Variants in MUSK observed in about 807,000 individuals in gnomAD.
MUSK encodes the protein muscle associated receptor tyrosine kinase, also known as muscle, skeletal receptor tyrosine-protein kinase.
A neutral mutation model predicts 88.7 loss-of-function variants in MUSK; 55 were observed. The ratio of observed to expected loss-of-function variants is 0.62; its 90% confidence interval spans 0.50 to 0.78. The LOEUF is 0.78. Among genes scored for constraint, MUSK ranks in the 30% least tolerant of loss-of-function variants. The pLI is 0.00. For missense variants in MUSK, 1,015 were observed against 1,074.3 expected (o/e 0.94, Z 0.77); for synonymous variants, 387 against 391.9 (o/e 0.99, Z 0.15).
intron 5 of MUSK, among the ~76,000 whole-genome samples, chr9:110,720,490 A>G (rs1246883028): frequency 6.6e-6 from 1 of 152,088 alleles, no homozygotes; most frequent in African/African-American, 2.4e-5. Flanking sequence ...TAGAAAACCT[A>G]GAGGAGATGG....
intron 1 of MUSK, among the ~76,000 whole-genome samples, chr9:110,679,425 A>C (rs2076077960): frequency 1.3e-5 from 2 of 151,862 alleles, no homozygotes; most frequent in Non-Finnish European, 2.9e-5. Flanking sequence ...TGCTTTATAC[A>C]TATTTTCCCT....
chr9:110,724,580 A>T (rs1475564959), intron 5 of MUSK, among the ~76,000 whole-genome samples: 1 of 152,038 alleles, frequency 6.6e-6, no homozygotes, highest in Non-Finnish European at 1.5e-5. Flanking sequence ...CTCATATAGT[A>T]CACTTCTAGA....
At chr9:110,670,540 A>G (rs1318905424) in intron 1 of MUSK, among the ~76,000 whole-genome samples, 1 of 152,190 alleles carries the variant, frequency 6.6e-6, no homozygotes, top group African/African-American at 2.4e-5. Context: ...ATATTCTAGA[A>G]AGAATTGATT....
intron 5 of MUSK, among the ~76,000 whole-genome samples, chr9:110,722,506 G>T (rs986349769): frequency 6.6e-6 from 1 of 151,844 alleles, no homozygotes; most frequent in Non-Finnish European, 1.5e-5. Flanking sequence ...CTCCAGCCTG[G>T]GCAACAGAGC....
intron 7 of MUSK, among the ~76,000 whole-genome samples, chr9:110,753,228 C>T (rs1353918432): frequency 6.6e-6 from 1 of 152,026 alleles, no homozygotes; most frequent in Admixed American, 6.6e-5. Flanking sequence ...GTCAGGAGTT[C>T]GAGACCAGCT....
Position 110,805,975 on chromosome 9 carries a change from A to C in MUSK, c.*4987A>C, listed in dbSNP as rs138557377. ...AATCTTGGTTAGTTTATTTTTAAAT[A>C]ATTGTTATTTATGAAAGTAATACAT... On this transcript the variant is annotated 3_prime_UTR_variant, in exon 15 of 15. Coordinates refer to ENST00000374448, the MANE Select transcript of MUSK (RefSeq NM_005592.4). Among the ~76,000 whole-genome samples, 2 of 152,116 alleles carry C rather than the reference A, an allele frequency of 1.3e-5. No homozygotes were observed. Among genetic ancestry groups the C allele is most frequent in the African/African-American group, 2.4e-5 (1 of 41,552 alleles).
intron 10 of MUSK, 111 bp downstream of exon 10, chr9:110,776,074 T>A: frequency 8.2e-7 from 1 of 1,223,622 alleles, no homozygotes; most frequent in South Asian, 1.6e-5. Context: ...CTAATTTTTT[T>A]TTTTTGAGTT....
At chr9:110,707,234 A>C (rs1172110792) in intron 5 of MUSK, among the ~76,000 whole-genome samples, 1 of 152,166 alleles carries the variant, frequency 6.6e-6, no homozygotes, top group African/African-American at 2.4e-5. Context: ...CAGACCATAC[A>C]AATCAAATCT....
At chr9:110,775,687 T>C in intron 9 of MUSK, 101 bp from the exon 10 acceptor site, 1 of 1,115,004 alleles carries the variant, frequency 9.0e-7, no homozygotes, top group East Asian at 2.4e-5. Context: ...AAGAACAATT[T>C]ACCATGATGA....
intron 5 of MUSK, among the ~76,000 whole-genome samples, chr9:110,700,582 G>A (rs556432812): frequency 6.6e-6 from 1 of 152,142 alleles, no homozygotes; most frequent in Admixed American, 6.5e-5. Context: ...AGCTATGTTT[G>A]GTGTGTAGAT....
intron 5 of MUSK, among the ~76,000 whole-genome samples, chr9:110,713,497 T>C (rs955306680): frequency 6.6e-6 from 1 of 152,114 alleles, no homozygotes; most frequent in Non-Finnish European, 1.5e-5. Flanking sequence ...TGGCCTCAAG[T>C]GATCCACCTG....
Position 110,688,542 on chromosome 9 carries a change from T to C in MUSK, c.358+1274T>C, listed in dbSNP as rs116762305. 5.9e-3 allele frequency among the ~76,000 whole-genome samples: 901 copies of C among 152,200 alleles called. 13 individuals carry two copies. Among genetic ancestry groups the C allele is most frequent in the African/African-American group, 0.021 (852 of 41,540 alleles). Reference sequence around the variant, plus strand: ...TAGGTAAACATGTGCCATGGTGGTATACTGCACAGATCATCCCATCACCTA... The same window carrying C: ...TAGGTAAACATGTGCCATGGTGGTACACTGCACAGATCATCCCATCACCTA... On this transcript the variant is annotated intron_variant, in intron 3 of 14. Coordinates refer to ENST00000374448, the MANE Select transcript of MUSK (RefSeq NM_005592.4).
intron 14 of MUSK, among the ~76,000 whole-genome samples, chr9:110,797,162 C>CA (rs34924295): frequency 0.13 from 2,161 of 16,818 alleles, 420 homozygotes; most frequent in Non-Finnish European, 0.16. Context: ...CATGAATACC[C>CA]AAAAAAAAAA....
In MUSK at chr9:110,787,699, C is replaced by T. The variant is rs1216888035; in HGVS notation, c.1788C>T (p.Gly596=). ...TAAATGTATCTCTCAGGGCACCAGGCTTACTTCCCTATGAACCTTTCACTA... is the reference window on the plus strand; with the variant it reads ...TAAATGTATCTCTCAGGGCACCAGGTTTACTTCCCTATGAACCTTTCACTA... ...FGRVFQARAP[G]LLPYEPFTMV... The change falls in exon 14 of 15, where the codon GGC becomes GGT. Residue 596 remains glycine, a synonymous_variant. Transcript: ENST00000374448. 6.2e-7 allele frequency: 1 copy of T among 1,613,712 alleles called. No homozygotes were observed. Among genetic ancestry groups the T allele is most frequent in the Admixed American group, 1.7e-5 (1 of 59,988 alleles).
intron 5 of MUSK, among the ~76,000 whole-genome samples, chr9:110,709,389 G>T (rs2131765140): frequency 6.6e-6 from 1 of 152,296 alleles, no homozygotes; most frequent in South Asian, 2.1e-4. Context: ...TAAACTTCTT[G>T]AGTCCAAATC....
At chr9:110,779,433 G>C (rs1380728180) in intron 11 of MUSK, among the ~76,000 whole-genome samples, 1 of 152,030 alleles carries the variant, frequency 6.6e-6, no homozygotes, top group African/African-American at 2.4e-5. Context: ...AATATTTGGA[G>C]ACAGGCACTC....
At chr9:110,726,460 A>T (rs2131818862) in intron 5 of MUSK, among the ~76,000 whole-genome samples, 1 of 152,234 alleles carries the variant, frequency 6.6e-6, no homozygotes, top group East Asian at 1.9e-4. Flanking sequence ...TCCTGTATAG[A>T]TCATGGAGTG....
At chr9:110,718,722 A>T (rs1335592880) in intron 5 of MUSK, among the ~76,000 whole-genome samples, 1 of 152,074 alleles carries the variant, frequency 6.6e-6, no homozygotes, top group Non-Finnish European at 1.5e-5. Context: ...CGAATACAAG[A>T]AGCTCAAAGA....
In MUSK at chr9:110,801,062, G is replaced by A. The variant is rs2078091528; in HGVS notation, c.*74G>A. ...GAGCCAGGGGAATCCTACACCAGAG[G>A]CCCAACAAGACCCACATAGGAAAGA... On this transcript the variant is annotated 3_prime_UTR_variant, in exon 15 of 15. Coordinates refer to ENST00000374448, the MANE Select transcript of MUSK (RefSeq NM_005592.4). The A allele has an allele frequency of 7.7e-7, 1 of 1,302,320 alleles. No homozygotes were observed. The highest frequency in any genetic ancestry group is 1.0e-6 in the Non-Finnish European group (1 of 980,884). 80.7% of individuals were successfully genotyped at this position (1,302,320 alleles called of 1,614,324 possible).
Sources: allele counts gnomAD v4.1 joint callset (sites outside exome capture counted in the v4.1 genomes callset), GRCh38; gene constraint gnomAD v4.1.1; transcripts MANE v1.5; gene names NCBI Gene and HGNC (gene_info 2026-07-23, HGNC 2026-07-21).